The following SAXO1 variants were observed in gnomAD, a reference collection of about 807,000 sequenced individuals.
SAXO1 encodes the protein 4930500O09Rik.
Under a neutral mutation model 17.5 loss-of-function variants are expected in SAXO1, and 21 were observed. The ratio of observed to expected loss-of-function variants is 1.20; its 90% CI spans 0.85 to 1.72. The LOEUF is 1.72. SAXO1 is among the 40% of genes most tolerant of loss of function. SAXO1 has a pLI of 0.00. For synonymous variants in SAXO1, 274 were observed against 216.5 expected, an observed-to-expected ratio of 1.27 and a Z score of -2.33; for missense variants, 843 against 596.0, an observed-to-expected ratio of 1.41 and a Z score of -4.32.
At chr9:18,990,017 T>C (rs762360678) in intron 1 of SAXO1, among the ~76,000 whole-genome samples, 7 of 152,180 alleles carry the variant, frequency 4.6e-5, no homozygotes, top group South Asian at 2.1e-4. Flanking sequence ...TTGGCAGGTA[T>C]TGCCACCTTT....
intron 1 of SAXO1, among the ~76,000 whole-genome samples, chr9:18,982,055 A>G (rs1479342638): frequency 6.6e-6 from 1 of 152,124 alleles, no homozygotes; most frequent in African/African-American, 2.4e-5. Context: ...AGCCCCTCAC[A>G]TGCTTCACTC....
chr9:19,034,217 A>T (rs1835874207), upstream of SAXO1, among the ~76,000 whole-genome samples: 1 of 152,176 alleles, frequency 6.6e-6, no homozygotes, highest in Non-Finnish European at 1.5e-5. Context: ...TGAATGAGTC[A>T]GTCAGAGGCA....
intron 1 of SAXO1, chr9:19,027,756 G>A: frequency 1.3e-6 from 2 of 1,494,244 alleles, no homozygotes; most frequent in Non-Finnish European, 1.8e-6. Flanking sequence ...GAGGTGCAGA[G>A]GACGATGCTG....
At chr9:19,025,496 A>G (rs1301387698) in intron 1 of SAXO1, among the ~76,000 whole-genome samples, 1 of 152,218 alleles carries the variant, frequency 6.6e-6, no homozygotes, top group East Asian at 1.9e-4. Flanking sequence ...GGTTAACATA[A>G]CTGATTTAAG....
chr9:19,007,684 TCAGCTTGCTACCTGTTTTTCTA>T (rs11275106), intron 1 of SAXO1, among the ~76,000 whole-genome samples: 10,730 of 152,216 alleles, frequency 0.07, 441 homozygotes, highest in African/African-American at 0.11. Context: ...AGAGCCAAAT[TCAGCTTGCTACCTGTTTTTCTA>T]CAGCTTGCTA....
chr9:18,988,288 A>C (rs1278724571), intron 1 of SAXO1, among the ~76,000 whole-genome samples: 1 of 152,244 alleles, frequency 6.6e-6, no homozygotes, highest in South Asian at 2.1e-4. Flanking sequence ...AAAGGATTAC[A>C]TTATGAAACA....
chr9:19,042,964 G>A (rs1836113112), intron 1 of SAXO1, among the ~76,000 whole-genome samples: 1 of 151,992 alleles, frequency 6.6e-6, no homozygotes, highest in Admixed American at 6.6e-5. Context: ...TTGAGCCCGG[G>A]AGTTTGAGAC....
At chr9:19,042,197 A>G (rs1836094660) in intron 1 of SAXO1, among the ~76,000 whole-genome samples, 1 of 152,258 alleles carries the variant, frequency 6.6e-6, no homozygotes, top group Non-Finnish European at 1.5e-5. Context: ...AAAAGTGCTC[A>G]AAATCATGGA....
chr9:18,946,828 A>C (rs1360050289), intron 2 of SAXO1, among the ~76,000 whole-genome samples: 1 of 152,224 alleles, frequency 6.6e-6, no homozygotes, highest in Non-Finnish European at 1.5e-5. Context: ...CAAGAATCAA[A>C]TGCAAATTCT....
chr9:19,032,034 T>G (rs145113377), intron 1 of SAXO1, among the ~76,000 whole-genome samples: 18 of 152,346 alleles, frequency 1.2e-4, no homozygotes, highest in African/African-American at 4.3e-4. Flanking sequence ...AATAGTCCTA[T>G]GAGGTACGTA....
chr9:18,958,985 A>C (rs1588440966), intron 1 of SAXO1, among the ~76,000 whole-genome samples: 1 of 152,228 alleles, frequency 6.6e-6, no homozygotes, highest in African/African-American at 2.4e-5. Flanking sequence ...GGATCAAACA[A>C]AGAAACGACT....
intron 1 of SAXO1, among the ~76,000 whole-genome samples, chr9:18,979,344 T>C (rs1276740599): frequency 6.6e-6 from 1 of 152,228 alleles, no homozygotes; most frequent in African/African-American, 2.4e-5. Flanking sequence ...CTTGTTTTCA[T>C]GTGAGGGTAG....
rs370231779 is a variant in SAXO1 at position 19,040,984 on chromosome 9, G to GA, written c.-158+8224dup. Among the ~76,000 whole-genome samples the GA allele has an allele frequency of 7.8e-4, 112 of 144,072 alleles. 1 individual carries two copies. The highest frequency in any genetic ancestry group is 1.8e-3 in the African/African-American group (71 of 39,958). 94.5% of individuals were successfully genotyped at this position (144,072 alleles called of 152,430 possible). On this transcript the variant is annotated intron_variant, in intron 1 of 3. Transcript: ENST00000542071. Reference sequence around the variant, plus strand: ...TTCAGAATAAAGGGCATCCAAATTGGAAAAAAAAAAAGTCAAATTATCGTT... The same window carrying GA: ...TTCAGAATAAAGGGCATCCAAATTGGAAAAAAAAAAAAGTCAAATTATCGTT...
At chr9:19,012,666 G>T (rs772110265) in intron 1 of SAXO1, among the ~76,000 whole-genome samples, 1 of 152,156 alleles carries the variant, frequency 6.6e-6, no homozygotes, top group African/African-American at 2.4e-5. Flanking sequence ...AATGGCAGCA[G>T]TCCCCTTGCT....
At chr9:18,933,672 C>CT (rs769547158) in intron 3 of SAXO1, among the ~76,000 whole-genome samples, 19 of 152,170 alleles carry the variant, frequency 1.2e-4, no homozygotes, top group Non-Finnish European at 2.2e-4. Flanking sequence ...GAAGGATAGA[C>CT]TTTTTTCTTT....
chr9:19,042,598 C>T (rs929285570), intron 1 of SAXO1, among the ~76,000 whole-genome samples: 1 of 150,380 alleles, frequency 6.6e-6, no homozygotes, highest in Non-Finnish European at 1.5e-5. Context: ...TGCAGTGGCT[C>T]ACACCTGTAA....
chr9:18,984,372 T>C (rs1472190774), intron 1 of SAXO1, among the ~76,000 whole-genome samples: 1 of 152,218 alleles, frequency 6.6e-6, no homozygotes, highest in Non-Finnish European at 1.5e-5. Context: ...ACTTTTCCTC[T>C]CCAGCTATAA....
intron 1 of SAXO1, among the ~76,000 whole-genome samples, chr9:19,006,014 T>C (rs895239879): frequency 6.6e-6 from 1 of 152,188 alleles, no homozygotes; most frequent in Non-Finnish European, 1.5e-5. Context: ...AAAAAGGACA[T>C]GAAAAGATTT....
At chr9:18,957,648 A>C (rs921744467) in intron 1 of SAXO1, among the ~76,000 whole-genome samples, 1 of 152,110 alleles carries the variant, frequency 6.6e-6, no homozygotes, top group Non-Finnish European at 1.5e-5. Flanking sequence ...GCCAAACACC[A>C]AGTCATAAAA....
Sources: gnomAD v4.1 joint callset for allele counts (sites outside exome capture counted in the v4.1 genomes callset) on GRCh38, gnomAD v4.1.1 for gene constraint, MANE v1.5 for transcripts, NCBI Gene and HGNC (gene_info 2026-07-23, HGNC 2026-07-21) for gene names.